The following PRPH2 variants were observed in gnomAD, a reference collection of about 807,000 sequenced individuals.
PRPH2 encodes peripherin 2.
PRPH2 carries 17 observed loss-of-function variants against 31.3 expected under a neutral mutation model. That is an observed-to-expected ratio of 0.54 (90% confidence interval 0.37 to 0.81). PRPH2 has a LOEUF of 0.81. PRPH2 is among the 40% of genes least tolerant of loss of function. PRPH2 has a pLI of 0.00. For missense variants in PRPH2, 430 were observed against 439.7 expected (o/e 0.98, Z 0.20); for synonymous variants, 165 against 184.4 (o/e 0.89, Z 0.85).
rs761275918 is a variant in PRPH2, at chr6:42,721,867, G to A, written c.468C>T (p.Ile156=). 5.0e-6 allele frequency: 8 copies of A among 1,614,174 alleles called. No homozygotes were observed. The highest frequency in any genetic ancestry group is 1.7e-5 in the Admixed American group (1 of 60,018). ...TPGRCFMKKT[I]DMLQIEFKCC... is the part of the protein sequence containing the mutation. ...ATTTGAACTCGATCTGCAGCATGTC[G>A]ATGGTCTTCTTCATGAAACACCTGC... Residue 156 remains isoleucine, a synonymous_variant, in exon 1 of 3, where the codon ATC becomes ATT. Transcript: ENST00000230381.
At chr6:42,704,306 G>A in intron 2 of PRPH2, 59 bp downstream of exon 2, 1 of 1,575,112 alleles carries the variant, frequency 6.3e-7, no homozygotes, top group Non-Finnish European at 8.6e-7. Context: ...GCCCCCATTA[G>A]ACCCAAATGG....
Position 42,717,107 on chromosome 6 carries a change from G to T in PRPH2, c.581+4647C>A, listed in dbSNP as rs1212629800. 2.7e-5 allele frequency among the ~76,000 whole-genome samples: 4 copies of T among 147,570 alleles called. No individual in the cohort carries two copies. In the East Asian group the frequency reaches 6.5e-4, roughly 24 times the overall value. On this transcript the variant is annotated intron_variant, in intron 1 of 2. Coordinates refer to ENST00000230381, the MANE Select transcript of PRPH2 (RefSeq NM_000322.5). Reference sequence around the variant, plus strand: ...CAAGCATGAGCCCGCACCTGGCCAAGAATTTCTTTTAAAAAGATTTTGTGG... The same window carrying T: ...CAAGCATGAGCCCGCACCTGGCCAATAATTTCTTTTAAAAAGATTTTGTGG...
chr6:42,709,335 A>T (rs1231745832), intron 1 of PRPH2, among the ~76,000 whole-genome samples: 2 of 83,122 alleles, frequency 2.4e-5, no homozygotes, highest in Non-Finnish European at 4.6e-5. Flanking sequence ...GTCTCAAATT[A>T]AAAAAAAAAA....
chr6:42,712,417 G>C (rs1761683809), intron 1 of PRPH2, among the ~76,000 whole-genome samples: 1 of 152,052 alleles, frequency 6.6e-6, no homozygotes. Context: ...AAACAAAAGG[G>C]CAAAAAACAA....
At chr6:42,721,153 C>T (rs1048572593) in intron 1 of PRPH2, among the ~76,000 whole-genome samples, 3 of 152,102 alleles carry the variant, frequency 2.0e-5, no homozygotes, top group South Asian at 2.1e-4. Flanking sequence ...CAAGCCAAAG[C>T]GCAGAGTGAC....
At chr6:42,698,778 C>T (rs1389883667) in intron 2 of PRPH2, among the ~76,000 whole-genome samples, 2 of 152,130 alleles carry the variant, frequency 1.3e-5, no homozygotes, top group Non-Finnish European at 2.9e-5. Context: ...CTACTTTCTC[C>T]CCTCTAGGTC....
At chr6:42,705,599 A>ATATATATAT (rs1317305870) in intron 1 of PRPH2, among the ~76,000 whole-genome samples, 3 of 21,566 alleles carry the variant, frequency 1.4e-4, no homozygotes, top group Admixed American at 6.4e-4. Flanking sequence ...AAAAAAAAAA[A>ATATATATAT]ATATATATAT....
At chr6:42,701,906 CAATA>C (rs1459347431) in intron 2 of PRPH2, among the ~76,000 whole-genome samples, 2 of 151,842 alleles carry the variant, frequency 1.3e-5, no homozygotes, top group African/African-American at 4.8e-5. Context: ...AGTCAGCGAC[CAATA>C]AATAGTCATG....
At chr6:42,719,424 T>C (rs1043914533) in intron 1 of PRPH2, among the ~76,000 whole-genome samples, 6 of 152,120 alleles carry the variant, frequency 3.9e-5, no homozygotes, top group African/African-American at 9.7e-5. Context: ...TCCACCTACC[T>C]TGGCCTCCCA....
intron 1 of PRPH2, among the ~76,000 whole-genome samples, chr6:42,714,963 G>C (rs1005759226): frequency 3.3e-5 from 5 of 152,132 alleles, no homozygotes; most frequent in African/African-American, 1.2e-4. Flanking sequence ...TATAATCCCA[G>C]CACTTTGGGG....
rs1440062649 is a variant in PRPH2 at position 42,697,866 on chromosome 6, C to CA, written c.*428dup. The CA allele has an allele frequency of 1.2e-5, 2 of 161,510 alleles. No individual in the cohort carries two copies. Among genetic ancestry groups the CA allele is most frequent in the Non-Finnish European group, 2.7e-5 (2 of 75,198 alleles). 10.0% of individuals were successfully genotyped at this position (161,510 alleles called of 1,614,324 possible). The stretch of plus-strand genomic sequence containing the variant: ...TTTTCAGATTTCTGTGCTTATGCAC[C>CA]AAGTGACACTTTGGATAGAGTGAAG... On this transcript the variant is annotated 3_prime_UTR_variant, in exon 3 of 3. Transcript: ENST00000230381.
chr6:42,706,067 T>G (rs1158046626), intron 1 of PRPH2, among the ~76,000 whole-genome samples: 2 of 151,516 alleles, frequency 1.3e-5, no homozygotes, highest in Non-Finnish European at 1.5e-5. Context: ...GGTCAGGAGT[T>G]CAAGACCAGC....
Position 42,709,334 on chromosome 6 carries a change from T to TA in PRPH2, c.582-4724dup, listed in dbSNP as rs58632063. Reference sequence around the variant, plus strand: ...AACAGAGTGAGACTCTGTCTCAAATTAAAAAAAAAAAAAAAAAAAAACTTG... The same window carrying TA: ...AACAGAGTGAGACTCTGTCTCAAATTAAAAAAAAAAAAAAAAAAAAAACTTG... On this transcript the variant is annotated intron_variant, in intron 1 of 2. Coordinates refer to ENST00000230381, the MANE Select transcript of PRPH2 (RefSeq NM_000322.5). 3.1e-3 allele frequency among the ~76,000 whole-genome samples: 235 copies of TA among 77,046 alleles called. 1 individual carries two copies. Among genetic ancestry groups the TA allele is most frequent in the Middle Eastern group, 8.8e-3 (1 of 114 alleles). 50.5% of individuals were successfully genotyped at this position (77,046 alleles called of 152,430 possible). A position where few individuals can be genotyped will look rare whatever the true frequency, so the allele number is the denominator to read the frequency against.
At chr6:42,704,689 T>C in intron 1 of PRPH2, 78 bp from the exon 2 acceptor site, 1 of 1,597,806 alleles carries the variant, frequency 6.3e-7, no homozygotes, top group Admixed American at 1.7e-5. Context: ...CCCCTGCCTC[T>C]GGAAACCTAG....
intron 1 of PRPH2, among the ~76,000 whole-genome samples, chr6:42,709,260 G>A (rs1034759946): frequency 1.3e-5 from 2 of 150,206 alleles, no homozygotes; most frequent in African/African-American, 4.9e-5. Context: ...AACCAGGGAG[G>A]TGGAGATTGC....
intron 2 of PRPH2, among the ~76,000 whole-genome samples, chr6:42,701,222 T>C (rs907775100): frequency 1.3e-5 from 2 of 151,980 alleles, no homozygotes; most frequent in South Asian, 4.2e-4. Flanking sequence ...CCTCCCAGGT[T>C]CAAGCAATTC....
intron 1 of PRPH2, among the ~76,000 whole-genome samples, chr6:42,707,120 G>C (rs1244598837): frequency 6.6e-6 from 1 of 151,832 alleles, no homozygotes; most frequent in Admixed American, 6.6e-5. Flanking sequence ...GGCTGCTCTG[G>C]AACTCCTGAT....
chr6:42,720,910 A>T (rs1761891073), intron 1 of PRPH2, among the ~76,000 whole-genome samples: 1 of 152,238 alleles, frequency 6.6e-6, no homozygotes, highest in Non-Finnish European at 1.5e-5. Context: ...CCTCCGACAC[A>T]GTGGTCGAGA....
intron 1 of PRPH2, among the ~76,000 whole-genome samples, chr6:42,721,506 C>A (rs1384059079): frequency 6.6e-6 from 1 of 152,162 alleles, no homozygotes; most frequent in African/African-American, 2.4e-5. Flanking sequence ...TAAATTGATA[C>A]CTTCCTACCA....
Sources: gnomAD v4.1 joint callset for allele counts (sites outside exome capture counted in the v4.1 genomes callset) on GRCh38, gnomAD v4.1.1 for gene constraint, MANE v1.5 for transcripts, NCBI Gene and HGNC (gene_info 2026-07-23, HGNC 2026-07-21) for gene names.